The following STRBP variants were observed in gnomAD, a reference collection of about 807,000 sequenced individuals.
STRBP encodes the protein spermatid perinuclear RNA-binding protein.
STRBP carries 13 observed loss-of-function variants against 80.1 expected under a neutral mutation model. The observed-to-expected ratio is 0.16, with a 90% CI of 0.11 to 0.26. STRBP has a LOEUF of 0.26. STRBP is among the 10% of genes least tolerant of loss of function. The probability of loss-of-function intolerance (pLI) is 1.00; values close to 1 mark genes in which losing one functional copy is unlikely to be tolerated. For missense variants in STRBP, 485 were observed against 815.2 expected (o/e 0.59, Z 4.93); for synonymous variants, 284 against 291.2 (o/e 0.98, Z 0.25).
intron 5 of STRBP, among the ~76,000 whole-genome samples, chr9:123,172,913 C>A (rs966145977): frequency 6.6e-6 from 1 of 152,130 alleles, no homozygotes; most frequent in Non-Finnish European, 1.5e-5. Context: ...ACATCTATTT[C>A]TGTGGCATTG....
At chr9:123,221,776 C>T (rs867303924) in intron 2 of STRBP, among the ~76,000 whole-genome samples, 50 of 152,228 alleles carry the variant, frequency 3.3e-4, no homozygotes, top group Non-Finnish European at 5.9e-5. Flanking sequence ...GCTCTTACTG[C>T]ATCAAGTCAG....
intron 8 of STRBP, among the ~76,000 whole-genome samples, chr9:123,159,749 G>C (rs2037444121): frequency 6.6e-6 from 1 of 152,136 alleles, no homozygotes; most frequent in Non-Finnish European, 1.5e-5. Context: ...TTTATAAAAT[G>C]ATCTTTCACG....
intron 2 of STRBP, among the ~76,000 whole-genome samples, chr9:123,198,996 G>A (rs2039211056): frequency 6.6e-6 from 1 of 152,182 alleles, no homozygotes; most frequent in Non-Finnish European, 1.5e-5. Flanking sequence ...CCAGGCTGGA[G>A]TGCAGTGGCA....
chr9:123,147,632 C>T (rs1448580034), intron 12 of STRBP, 146 bp downstream of exon 12: 7 of 599,080 alleles, frequency 1.2e-5, no homozygotes, highest in South Asian at 4.5e-5. Flanking sequence ...GAGCCGAGAT[C>T]GCGCCACTGC....
Position 123,255,806 on chromosome 9 carries a change from C to G in STRBP, c.-302+12630G>C, listed in dbSNP as rs78924418. ...ATTTTCTTTTTATCAGAATCATCAT[C>G]ACCTGTATATAACCATCACACCTGC... On this transcript the variant is annotated intron_variant, in intron 1 of 18. Coordinates refer to ENST00000348403, the MANE Select transcript of STRBP (RefSeq NM_018387.5). Among the ~76,000 whole-genome samples, 34 of 152,204 alleles carry G rather than the reference C, an allele frequency of 2.2e-4. No homozygotes were observed. The East Asian group carries it at 6.6e-3, about 29-fold the overall frequency.
intron 13 of STRBP, among the ~76,000 whole-genome samples, chr9:123,143,390 T>C (rs1361842931): frequency 1.3e-5 from 2 of 152,266 alleles, no homozygotes; most frequent in Admixed American, 6.5e-5. Context: ...GCCAGACTCA[T>C]GTGAAACTAC....
chr9:123,141,004 A>T (rs1207766227), intron 13 of STRBP, among the ~76,000 whole-genome samples: 1 of 152,250 alleles, frequency 6.6e-6, no homozygotes, highest in Non-Finnish European at 1.5e-5. Flanking sequence ...CAGAGGATAT[A>T]GGGACAGATT....
At chr9:123,160,891 G>A in intron 7 of STRBP, 86 bp downstream of exon 7, 1 of 1,117,812 alleles carries the variant, frequency 8.9e-7, no homozygotes. Flanking sequence ...ATTTTATGTA[G>A]TACACAGAAA....
At chr9:123,135,309 T>C (rs531361401) in intron 16 of STRBP, among the ~76,000 whole-genome samples, 1 of 152,348 alleles carries the variant, frequency 6.6e-6, no homozygotes, top group East Asian at 1.9e-4. Context: ...TTAATTTCTA[T>C]CATATAATAT....
At chr9:123,154,116 G>A (rs138746329) in intron 11 of STRBP, among the ~76,000 whole-genome samples, 13 of 152,188 alleles carry the variant, frequency 8.5e-5, no homozygotes, top group African/African-American at 3.1e-4. Flanking sequence ...CATTTACTAG[G>A]TTGTTTATGT....
chr9:123,178,760 G>A (rs1442692668), intron 4 of STRBP, among the ~76,000 whole-genome samples: 1 of 152,048 alleles, frequency 6.6e-6, no homozygotes, highest in Non-Finnish European at 1.5e-5. Context: ...TAAAGGACTT[G>A]GTGTTCTCTC....
rs148158196 is a variant in STRBP, at chr9:123,267,966, G to A, written c.-302+470C>T. Among the ~76,000 whole-genome samples the A allele has an allele frequency of 2.6e-3, 388 of 150,852 alleles. 1 individual carries two copies. Among genetic ancestry groups the A allele is most frequent in the Non-Finnish European group, 4.2e-3 (287 of 67,688 alleles). ...CCTGAAGGCTCTCCTCCTCCATTGGGCCGGATCCCTCTGCACCCCTATTTA... is the reference window on the plus strand; with the variant it reads ...CCTGAAGGCTCTCCTCCTCCATTGGACCGGATCCCTCTGCACCCCTATTTA... On this transcript the variant is annotated intron_variant, in intron 1 of 18. Transcript: ENST00000348403.
chr9:123,200,734 A>ATATTTTTTT (rs2039290313), intron 2 of STRBP, among the ~76,000 whole-genome samples: 1 of 37,512 alleles, frequency 2.7e-5, no homozygotes, highest in Admixed American at 5.5e-4. Context: ...CACCCCGCTA[A>ATATTTTTTT]TTTTTTTTTT....
chr9:123,173,835 C>G lies in STRBP; in HGVS notation c.232G>C (p.Gly78Arg). ...ATTACACCACACAATGTCCGACCAC[C>G]TTGATCCCTAAAAATAAAAGTCTGC... ...EAGENYSKDQ[G>R]GRTLCGVMRI... is the part of the protein sequence containing the mutation. Residue 78 changes from glycine (G) to arginine (R), a missense_variant, in exon 5 of 19, where the codon GGT (glycine) becomes CGT (arginine). Gly to Arg is a moderately radical substitution (Grantham distance 125). This residue lies in a region of STRBP where 377 missense variants were observed against 616.1 expected (regional missense o/e 0.61). Coordinates refer to ENST00000348403, the MANE Select transcript of STRBP (RefSeq NM_018387.5). The G allele has an allele frequency of 6.3e-7, 1 of 1,593,728 alleles. No homozygotes were observed. Among genetic ancestry groups the G allele is most frequent in the Non-Finnish European group, 8.5e-7 (1 of 1,174,050 alleles).
chr9:123,232,894 TA>T (rs1456441858), intron 2 of STRBP, among the ~76,000 whole-genome samples: 1 of 152,152 alleles, frequency 6.6e-6, no homozygotes. Context: ...AAGCTCCAAA[TA>T]AAACACTACG....
chr9:123,177,710 C>T (rs911572007), intron 4 of STRBP, among the ~76,000 whole-genome samples: 1 of 151,896 alleles, frequency 6.6e-6, no homozygotes, highest in Non-Finnish European at 1.5e-5. Flanking sequence ...TGAGAAGAAA[C>T]AAAATTAGAA....
intron 3 of STRBP, among the ~76,000 whole-genome samples, chr9:123,183,110 A>G (rs1175141300): frequency 6.6e-6 from 1 of 152,084 alleles, no homozygotes; most frequent in Non-Finnish European, 1.5e-5. Flanking sequence ...CTGGTGATTA[A>G]TATTTTCTGC....
At chr9:123,121,610 GT>G (rs1167277287), downstream of STRBP, 1 of 41,140 alleles carries the variant, frequency 2.4e-5, no homozygotes, top group African/African-American at 7.1e-5. Context: ...ATAATATTTT[GT>G]TTTTGTTTTT....
intron 2 of STRBP, among the ~76,000 whole-genome samples, chr9:123,224,707 A>G (rs778555279): frequency 3.9e-5 from 6 of 152,216 alleles, no homozygotes; most frequent in Non-Finnish European, 7.4e-5. Context: ...AGTCCTATTG[A>G]AAACAGAGGA....
Sources: allele counts gnomAD v4.1 joint callset (sites outside exome capture counted in the v4.1 genomes callset), GRCh38; gene constraint gnomAD v4.1.1; regional missense constraint gnomAD v4.1.1; transcripts MANE v1.5; gene names NCBI Gene and HGNC (gene_info 2026-07-23, HGNC 2026-07-21).